STK32B: variants seen among roughly 807,000 people sequenced by gnomAD.
STK32B encodes the protein serine/threonine kinase 32B, also known as serine/threonine-protein kinase 32B.
STK32B carries 43 observed loss-of-function variants against 52.6 expected under a neutral mutation model. The observed-to-expected ratio is 0.82, with a 90% CI of 0.64 to 1.05. The LOEUF (loss-of-function observed/expected upper bound fraction) is 1.05, where lower values mean the gene tolerates loss of function less well. Among genes scored for constraint, STK32B ranks in the 50% least tolerant of loss-of-function variants. The pLI is 0.00. For synonymous variants in STK32B, 238 were observed against 204.3 expected (o/e 1.17, Z -1.41); for missense variants, 621 against 534.6 (o/e 1.16, Z -1.59).
chr4:5,091,910 A>C (rs934105827), intron 1 of STK32B, among the ~76,000 whole-genome samples: 1 of 152,244 alleles, frequency 6.6e-6, no homozygotes, highest in African/African-American at 2.4e-5. Flanking sequence ...ACATGGATGA[A>C]CTTTTAAAAC....
Position 5,092,726 on chromosome 4 carries a change from C to T in STK32B, c.52+40811C>T, listed in dbSNP as rs80112635. 1.2e-4 allele frequency among the ~76,000 whole-genome samples: 19 copies of T among 152,138 alleles called. No homozygotes were observed. The East Asian group carries it at 2.9e-3, about 23-fold the overall frequency. On this transcript the variant is annotated intron_variant, in intron 1 of 11. Coordinates refer to ENST00000282908, the MANE Select transcript of STK32B (RefSeq NM_018401.3). ...TACACACTTTTAAATGACCCGATCT[C>T]GTGAGAACTCACTATCCCGAGAACA... is the stretch of plus-strand genomic sequence containing the variant.
intron 3 of STK32B, among the ~76,000 whole-genome samples, chr4:5,321,654 T>C (rs1244956936): frequency 6.6e-6 from 1 of 152,162 alleles, no homozygotes. Context: ...ATGAAGGATA[T>C]AGATTGAAAT....
chr4:5,183,175 G>C (rs143406712), intron 3 of STK32B, among the ~76,000 whole-genome samples: 1,685 of 152,076 alleles, frequency 0.011, 14 homozygotes, highest in Middle Eastern at 0.071. Context: ...CCTGTTTTTT[G>C]AAGCTTTAAA....
chr4:5,121,940 A>T (rs1208158842), intron 1 of STK32B, among the ~76,000 whole-genome samples: 1 of 152,196 alleles, frequency 6.6e-6, no homozygotes, highest in Admixed American at 6.5e-5. Flanking sequence ...GTCCATGCAG[A>T]TCTCACTGTC....
chr4:5,352,184 G>A (rs1300301054), intron 4 of STK32B, among the ~76,000 whole-genome samples: 5 of 151,996 alleles, frequency 3.3e-5, no homozygotes, highest in Non-Finnish European at 7.4e-5. Flanking sequence ...GACCTTAGAC[G>A]TAAAAATTCT....
chr4:5,177,842 A>G (rs182683151), intron 3 of STK32B, among the ~76,000 whole-genome samples: 5 of 152,220 alleles, frequency 3.3e-5, no homozygotes, highest in African/African-American at 1.2e-4. Flanking sequence ...GGTCATGATG[A>G]TGCAAGAGTT....
chr4:5,440,777 C>A (rs1009765184), intron 6 of STK32B, among the ~76,000 whole-genome samples: 3 of 151,964 alleles, frequency 2.0e-5, no homozygotes, highest in Non-Finnish European at 2.9e-5. Context: ...GAAATATGTC[C>A]CATCATTACC....
At chr4:5,451,162 C>A (rs1317962636) in intron 7 of STK32B, among the ~76,000 whole-genome samples, 1 of 152,186 alleles carries the variant, frequency 6.6e-6, no homozygotes, top group Non-Finnish European at 1.5e-5. Flanking sequence ...AGTAAATACA[C>A]ACACAACGAT....
chr4:5,327,738 A>G (rs1248329339), intron 3 of STK32B, among the ~76,000 whole-genome samples: 2 of 152,216 alleles, frequency 1.3e-5, no homozygotes, highest in Non-Finnish European at 2.9e-5. Context: ...ATTGGCTTCA[A>G]CTTAAAGTGA....
At chr4:5,028,114 G>A in the STK32B span, among the ~76,000 whole-genome samples, 1 of 152,208 alleles carries the variant, frequency 6.6e-6, no homozygotes, top group African/African-American at 2.4e-5. Flanking sequence ...AGTGCTCGGT[G>A]CGGAGCTGGA....
intron 11 of STK32B, among the ~76,000 whole-genome samples, chr4:5,484,714 C>T (rs886932591): frequency 9.2e-5 from 14 of 152,132 alleles, no homozygotes; most frequent in Admixed American, 7.9e-4. Context: ...CATGTTTTTG[C>T]AGTGGCTGGT....
At chr4:5,250,071 T>A (rs1007197055) in intron 3 of STK32B, among the ~76,000 whole-genome samples, 1 of 152,180 alleles carries the variant, frequency 6.6e-6, no homozygotes, top group African/African-American at 2.4e-5. Flanking sequence ...TCCATGTCCC[T>A]GCAAAGGACA....
At chr4:5,375,746 A>G (rs907526229) in intron 4 of STK32B, among the ~76,000 whole-genome samples, 15 of 152,084 alleles carry the variant, frequency 9.9e-5, no homozygotes, top group Admixed American at 2.6e-4. Flanking sequence ...TCAAATGTCT[A>G]CTGATGACTG....
chr4:5,021,950 T>C, the STK32B span, among the ~76,000 whole-genome samples: 2 of 152,144 alleles, frequency 1.3e-5, no homozygotes, highest in Non-Finnish European at 2.9e-5. Flanking sequence ...CCTCTCACTC[T>C]ACCAAGCCAG....
intron 3 of STK32B, among the ~76,000 whole-genome samples, chr4:5,180,639 G>T (rs1187865678): frequency 6.6e-6 from 1 of 152,292 alleles, no homozygotes; most frequent in Admixed American, 6.5e-5. Context: ...GTGTGGAATT[G>T]CCTGTTGGGG....
chr4:5,422,167 AT>A (rs910695207), intron 6 of STK32B, among the ~76,000 whole-genome samples: 2 of 152,166 alleles, frequency 1.3e-5, no homozygotes, highest in African/African-American at 4.8e-5. Flanking sequence ...GACACAGCTG[AT>A]TTTCCTAATG....
At chr4:5,114,459 A>C (rs1457804650) in intron 1 of STK32B, among the ~76,000 whole-genome samples, 1 of 152,048 alleles carries the variant, frequency 6.6e-6, no homozygotes, top group Non-Finnish European at 1.5e-5. Context: ...ACGCTCACCA[A>C]AGACAGATGA....
chr4:5,134,058 A>G (rs907855986), intron 1 of STK32B, among the ~76,000 whole-genome samples: 1 of 152,178 alleles, frequency 6.6e-6, no homozygotes, highest in South Asian at 2.1e-4. Context: ...TCTCTGCTGC[A>G]GCCCAATGAC....
chr4:5,019,548 T>A, the STK32B span: 1 of 1,279,892 alleles, frequency 7.8e-7, no homozygotes, highest in South Asian at 1.9e-5. Flanking sequence ...CAGCGCAGGC[T>A]GCGGTCCATC....
Sources: allele counts gnomAD v4.1 joint callset (sites outside exome capture counted in the v4.1 genomes callset), GRCh38; gene constraint gnomAD v4.1.1; transcripts MANE v1.5; gene names NCBI Gene and HGNC (gene_info 2026-07-23, HGNC 2026-07-21).